TICRR: variants seen among roughly 807,000 people sequenced by gnomAD.
TICRR encodes TOPBP1 interacting checkpoint and replication regulator, also known as treslin.
In TICRR, 132 loss-of-function variants were observed where a neutral mutation model predicts 178.1. That is an observed-to-expected ratio of 0.74 (90% CI 0.64 to 0.86). TICRR has a LOEUF of 0.86. Among genes scored for constraint, TICRR ranks in the 40% least tolerant of loss-of-function variants. The pLI is 0.00. For missense variants in TICRR, 2,587 were observed against 2,334.3 expected, an observed-to-expected ratio of 1.11 and a Z score of -2.23; for synonymous variants, 991 against 900.7, an observed-to-expected ratio of 1.10 and a Z score of -1.79.
chr15:89,617,204 C>T (rs972702856), intron 16 of TICRR, among the ~76,000 whole-genome samples: 1 of 152,140 alleles, frequency 6.6e-6, no homozygotes, highest in African/African-American at 2.4e-5. Flanking sequence ...AATAGAAGCA[C>T]ACCTCCTTCT....
chr15:89,575,871 C>T lies in TICRR; in HGVS notation c.285C>T (p.Pro95=), dbSNP rs1962602925. Reference sequence around the variant, plus strand: ...GCGCCCACCTGCCCGGCCCGGCGCCCAGGGCCACCCACACGCACGGCGCCC... The same window carrying T: ...GCGCCCACCTGCCCGGCCCGGCGCCTAGGGCCACCCACACGCACGGCGCCC... ...EDRAHLPGPA[P]RATHTHGALM... is the part of the protein sequence containing the mutation. Residue 95 remains proline, a synonymous_variant, in exon 1 of 22, where the codon CCC becomes CCT. Coordinates refer to ENST00000268138, the MANE Select transcript of TICRR (RefSeq NM_152259.4). 1 of 1,585,960 alleles carries T rather than the reference C, an allele frequency of 6.3e-7. No homozygotes were observed. Among genetic ancestry groups the T allele is most frequent in the South Asian group, 1.1e-5 (1 of 88,204 alleles).
chr15:89,613,651 T>G (rs1308251418), intron 15 of TICRR, among the ~76,000 whole-genome samples: 1 of 152,126 alleles, frequency 6.6e-6, no homozygotes, highest in Admixed American at 6.6e-5. Flanking sequence ...TAACCTTGTC[T>G]TCAAATTTGT....
At chr15:89,584,056 ACTC>A (rs1211774949) in intron 2 of TICRR, among the ~76,000 whole-genome samples, 1 of 152,078 alleles carries the variant, frequency 6.6e-6, no homozygotes, top group East Asian at 1.9e-4. Context: ...TGCCTTTGTA[ACTC>A]CATTTGTTTA....
intron 1 of TICRR, among the ~76,000 whole-genome samples, chr15:89,579,029 A>G (rs901479423): frequency 4.6e-5 from 7 of 152,198 alleles, no homozygotes; most frequent in Admixed American, 3.3e-4. Flanking sequence ...CTGCACTTAC[A>G]TTGGAGGCAG....
At chr15:89,599,802 G>A (rs2197053) in intron 8 of TICRR, among the ~76,000 whole-genome samples, 147,069 of 152,308 alleles carry the variant, frequency 0.97, 71,381 homozygotes, top group Middle Eastern at 1. Context: ...ATCACTTACA[G>A]CATTTAAAAA....
intron 15 of TICRR, 56 bp from the exon 16 acceptor site, chr15:89,616,349 C>G: frequency 6.7e-7 from 1 of 1,499,926 alleles, no homozygotes. Flanking sequence ...GGCCTTACTG[C>G]TGCTTCTTGA....
At position 89,601,501 on chromosome 15, in the gene TICRR, C is replaced by T. The variant is rs774427404; in HGVS notation, c.2260C>T (p.Leu754=). ...AAATCTCCTTCAGGTGACAGATTTG[C>T]TGCGCATGGTGTGTTTAACTGAGGA... The part of the protein sequence containing the change: ...EQVVEEVTDL[L]RMVCLTEDSA... Residue 754 remains leucine, a synonymous_variant, in exon 11 of 22, where the codon CTG becomes TTG. Coordinates refer to ENST00000268138, the MANE Select transcript of TICRR (RefSeq NM_152259.4). The T allele has an allele frequency of 3.1e-6, 5 of 1,614,136 alleles. 1 individual carries two copies. The South Asian group carries it at 3.3e-5, about 11-fold the overall frequency.
chr15:89,616,772 C>T (rs551078175), intron 16 of TICRR, among the ~76,000 whole-genome samples: 1 of 152,322 alleles, frequency 6.6e-6, no homozygotes, highest in Admixed American at 6.5e-5. Flanking sequence ...AGATACTCCA[C>T]GGTTTTTAAA....
chr15:89,625,551 A>G lies in TICRR; in HGVS notation c.5241A>G (p.Pro1747=). The G allele has an allele frequency of 6.2e-7, 1 of 1,613,386 alleles. No individual in the cohort carries two copies. The highest frequency in any genetic ancestry group is 8.5e-7 in the Non-Finnish European group (1 of 1,180,012). ...DFELEGVCQL[P]DQSPPRNSMP... ...AGCTCGAGGGAGTGTGCCAGCTCCC[A>G]GACCAGTCGCCTCCCAGGAACAGCA... is the stretch of plus-strand genomic sequence containing the variant. The change falls in exon 20 of 22, where the codon CCA becomes CCG. Residue 1747 remains proline (P), a synonymous_variant. Coordinates refer to ENST00000268138, the MANE Select transcript of TICRR (RefSeq NM_152259.4).
Position 89,582,747 on chromosome 15 carries a change from G to A in TICRR, c.716G>A (p.Gly239Asp), listed in dbSNP as rs376372807. The change falls in exon 2 of 22, where the codon GGT (glycine) becomes GAT (aspartate). Residue 239 changes from glycine to aspartate, a missense_variant. Gly to Asp is a moderately conservative substitution (Grantham distance 94). Coordinates refer to ENST00000268138, the MANE Select transcript of TICRR (RefSeq NM_152259.4). Reference sequence around the variant, plus strand: ...GTTTGTGAACTGCTCCACCACGGAGGTGGCACTGTCTTGCCATCTGAATCT... The same window carrying A: ...GTTTGTGAACTGCTCCACCACGGAGATGGCACTGTCTTGCCATCTGAATCT... Reference protein sequence around the residue: ...WTVCELLHHGGGTVLPSESFS... With the variant: ...WTVCELLHHGDGTVLPSESFS... 4.3e-6 allele frequency: 7 copies of A among 1,614,122 alleles called. No homozygotes were observed. Among genetic ancestry groups the A allele is most frequent in the Non-Finnish European group, 5.9e-6 (7 of 1,179,966 alleles).
rs200402979 is a variant in TICRR, at chr15:89,625,410, C to T, written c.5100C>T (p.Ser1700=). The T allele has an allele frequency of 1.0e-4, 169 of 1,613,930 alleles. No individual in the cohort carries two copies. The highest frequency in any genetic ancestry group is 1.2e-4 in the Non-Finnish European group (138 of 1,179,986). Residue 1700 remains serine (S), a synonymous_variant, in exon 20 of 22, where the codon TCC becomes TCT. Transcript: ENST00000268138. ...RAVGCGAGSS[S]GRGEVGADLP... is the part of the protein sequence containing the mutation. ...TGGGCTGTGGCGCCGGCTCCTCTTC[C>T]GGGAGGGGCGAGGTCGGTGCAGACC...
chr15:89,609,602 G>A (rs1422934147), intron 15 of TICRR, among the ~76,000 whole-genome samples: 1 of 151,996 alleles, frequency 6.6e-6, no homozygotes, highest in African/African-American at 2.4e-5. Context: ...AGCCTCCCCA[G>A]TAGCTGGGAT....
intron 6 of TICRR, 112 bp downstream of exon 6, chr15:89,594,666 A>G: frequency 1.2e-6 from 1 of 836,834 alleles, no homozygotes; most frequent in South Asian, 3.6e-5. Context: ...AAAGAAGGGC[A>G]AATTTTTATA....
chr15:89,575,881 C>A lies in TICRR; in HGVS notation c.295C>A (p.His99Asn). The A allele has an allele frequency of 6.3e-7, 1 of 1,587,100 alleles. No homozygotes were observed. Among genetic ancestry groups the A allele is most frequent in the Non-Finnish European group, 8.6e-7 (1 of 1,169,258 alleles). ...GCCCGGCCCGGCGCCCAGGGCCACC[C>A]ACACGCACGGCGCCCTGATGGAGAC... ...HLPGPAPRAT[H>N]THGALMETLL... is the part of the protein sequence containing the mutation. Residue 99 changes from histidine to asparagine, a missense_variant, in exon 1 of 22, where the codon CAC becomes AAC. Transcript: ENST00000268138.
chr15:89,622,601 A>G (rs1031269700), intron 19 of TICRR, among the ~76,000 whole-genome samples: 2 of 150,032 alleles, frequency 1.3e-5, no homozygotes, highest in Non-Finnish European at 3.0e-5. Context: ...AGAGCTCTGG[A>G]GAAGGGTCTG....
intron 17 of TICRR, 72 bp from the exon 18 acceptor site, chr15:89,619,636 G>A: frequency 6.5e-7 from 1 of 1,537,478 alleles, no homozygotes; most frequent in Non-Finnish European, 8.7e-7. Context: ...ATTTTGCCCG[G>A]TTTTGGACAA....
At chr15:89,583,069 C>G (rs1333161084) in intron 2 of TICRR, 104 bp downstream of exon 2, 17 of 1,206,978 alleles carry the variant, frequency 1.4e-5, no homozygotes, top group Non-Finnish European at 1.9e-5. Flanking sequence ...AGCCCAGGCA[C>G]TCAACGAATG....
At chr15:89,604,635 G>A (rs1474362439) in intron 13 of TICRR, among the ~76,000 whole-genome samples, 1 of 152,064 alleles carries the variant, frequency 6.6e-6, no homozygotes. Context: ...ATTAGGTATG[G>A]TGGTGCACTC....
At chr15:89,619,985 T>C (rs1163574772) in intron 18 of TICRR, 143 bp downstream of exon 18, 9 of 949,366 alleles carry the variant, frequency 9.5e-6, no homozygotes, top group East Asian at 2.6e-5. Context: ...TTCAGGGTGA[T>C]GGCTAGATGG....
Sources: allele counts gnomAD v4.1 joint callset (sites outside exome capture counted in the v4.1 genomes callset), GRCh38; gene constraint gnomAD v4.1.1; transcripts MANE v1.5; gene names NCBI Gene and HGNC (gene_info 2026-07-23, HGNC 2026-07-21).